HPS4: variants seen among roughly 807,000 people sequenced by gnomAD.
HPS4 encodes HPS4 biogenesis of lysosomal organelles complex 3 subunit 2, also known as BLOC-3 complex member HPS4.
Under a neutral mutation model 70.3 loss-of-function variants are expected in HPS4, and 44 were observed. That is an observed-to-expected ratio of 0.63 (90% confidence interval 0.49 to 0.80). The LOEUF is 0.80. Among genes scored for constraint, HPS4 ranks in the 30% least tolerant of loss-of-function variants. The pLI is 0.00. For synonymous variants in HPS4, 377 were observed against 355.9 expected, an observed-to-expected ratio of 1.06 and a Z score of -0.67; for missense variants, 873 against 884.4, an observed-to-expected ratio of 0.99 and a Z score of 0.16.
At chr22:26,447,857 C>T (rs2085006180), downstream of HPS4, among the ~76,000 whole-genome samples, 1 of 152,154 alleles carries the variant, frequency 6.6e-6, no homozygotes, top group Non-Finnish European at 1.5e-5. Flanking sequence ...ACCTGCCCTT[C>T]CCCATATCTC....
rs553852142 is a variant in HPS4 at position 26,457,929 on chromosome 22, A to G, written c.1885T>C (p.Phe629Leu). The G allele has an allele frequency of 6.8e-6, 11 of 1,614,148 alleles. No homozygotes were observed. Among genetic ancestry groups the G allele is most frequent in the Admixed American group, 3.3e-5 (2 of 60,030 alleles). ...PQVATPQDRRFLQAVSLMHSE... is the reference protein window; with the variant it reads ...PQVATPQDRRLLQAVSLMHSE... ...TGCATCAGGCTGACGGCCTGGAGGA[A>G]GCGGCGATCCTGCGGGGTGGCCACC... is the stretch of plus-strand genomic sequence containing the variant. The change falls in exon 13 of 14, where the codon TTC (phenylalanine) becomes CTC (leucine). Residue 629 changes from phenylalanine to leucine, a missense_variant. Transcript: ENST00000398145.
intron 13 of HPS4, among the ~76,000 whole-genome samples, chr22:26,455,063 A>G (rs1238167925): frequency 2.6e-5 from 4 of 152,232 alleles, no homozygotes; most frequent in Non-Finnish European, 5.9e-5. Context: ...AATGGCGATC[A>G]TTAAAAAGTC....
At chr22:26,443,209 G>GTAT, downstream of HPS4, 3 of 1,613,554 alleles carry the variant, frequency 1.9e-6, no homozygotes, top group Non-Finnish European at 2.5e-6. Context: ...GACGATGAGA[G>GTAT]TATTTCCCAT....
chr22:26,458,098 C>A (rs1047401696), intron 12 of HPS4, 131 bp from the exon 13 acceptor site: 31 of 823,194 alleles, frequency 3.8e-5, no homozygotes, highest in Non-Finnish European at 6.0e-5. Flanking sequence ...GGGGCAGAGA[C>A]AAAGGCCCGG....
chr22:26,483,265 A>G (rs1056398851), intron 1 of HPS4, among the ~76,000 whole-genome samples: 3 of 152,138 alleles, frequency 2.0e-5, no homozygotes, highest in Admixed American at 2.0e-4. Flanking sequence ...TGGGCCCTAC[A>G]CTACCGAGGT....
At chr22:26,445,783 C>A (rs1053408375) in intron 3 of HPS4, among the ~76,000 whole-genome samples, 3 of 152,208 alleles carry the variant, frequency 2.0e-5, no homozygotes, top group African/African-American at 7.2e-5. Flanking sequence ...CACATCGGGA[C>A]AGCAGTGGGT....
In HPS4 at chr22:26,483,781, G is replaced by A. The variant is rs943891269; in HGVS notation, c.-586C>T. The A allele has an allele frequency of 5.2e-6, 4 of 768,332 alleles. No individual in the cohort carries two copies. Among genetic ancestry groups the A allele is most frequent in the African/African-American group, 1.9e-5 (1 of 54,052 alleles). 47.6% of individuals were successfully genotyped at this position (768,332 alleles called of 1,614,324 possible). A position where few individuals can be genotyped will look rare whatever the true frequency, so the allele number is the denominator to read the frequency against. Reference sequence around the variant, plus strand: ...GCCCCGTACCTGCGCGCGCGGCAGAGAGGCCTTAGGTCACGCGCCGCCCCG... The same window carrying A: ...GCCCCGTACCTGCGCGCGCGGCAGAAAGGCCTTAGGTCACGCGCCGCCCCG... On this transcript the variant is annotated 5_prime_UTR_variant, in exon 1 of 14. Transcript: ENST00000398145.
intron 7 of HPS4, among the ~76,000 whole-genome samples, chr22:26,469,676 C>A (rs1233231463): frequency 3.5e-5 from 5 of 144,352 alleles, no homozygotes; most frequent in Admixed American, 2.8e-4. Flanking sequence ...CATAGCAAGA[C>A]CTCGTCCCTA....
intron 13 of HPS4, among the ~76,000 whole-genome samples, chr22:26,455,606 T>A (rs1324034217): frequency 7.9e-4 from 103 of 129,886 alleles, no homozygotes; most frequent in Non-Finnish European, 1.3e-3. Context: ...GGGGGAGGGA[T>A]AGCATTAGGA....
chr22:26,479,402 C>T (rs747061632), intron 2 of HPS4, 47 bp from the exon 3 acceptor site: 1 of 1,604,930 alleles, frequency 6.2e-7, no homozygotes, highest in East Asian at 2.2e-5. Flanking sequence ...ATCCAGTGAT[C>T]ACGGCATTTA....
chr22:26,447,745 TC>T (rs1308339517), downstream of HPS4, among the ~76,000 whole-genome samples: 3 of 152,178 alleles, frequency 2.0e-5, no homozygotes, highest in East Asian at 5.8e-4. Flanking sequence ...GGGAAAACAC[TC>T]AAGCAGATTG....
At chr22:26,457,023 T>C (rs184073702) in intron 13 of HPS4, among the ~76,000 whole-genome samples, 1 of 152,190 alleles carries the variant, frequency 6.6e-6, no homozygotes, top group Admixed American at 6.5e-5. Context: ...CTAGAAGACT[T>C]AAAATAATTA....
At position 26,463,961 on chromosome 22, in the gene HPS4, C is replaced by A; in HGVS notation, c.1669G>T (p.Ala557Ser). The A allele has an allele frequency of 6.2e-7, 1 of 1,614,084 alleles. No homozygotes were observed. The highest frequency in any genetic ancestry group is 1.1e-5 in the South Asian group (1 of 91,080). The change falls in exon 11 of 14, where the codon GCT becomes TCT. Residue 557 changes from alanine to serine, a missense_variant. Physicochemically the swap from Ala to Ser is moderately conservative, Grantham distance 99 (BLOSUM62 1). Coordinates refer to ENST00000398145, the MANE Select transcript of HPS4 (RefSeq NM_022081.6). ...CTGTCTCCCAGCAGCGGCTCCTCAG[C>A]CAGCAGGGACAGCACCAGCCCTTTG... is the stretch of plus-strand genomic sequence containing the variant. ...CVKGLVLSLL[A>S]EEPLLGDSAA...
At chr22:26,480,931 CAAAT>C (rs2091219386) in intron 2 of HPS4, among the ~76,000 whole-genome samples, 1 of 152,014 alleles carries the variant, frequency 6.6e-6, no homozygotes. Context: ...AACAAACAAA[CAAAT>C]AAATAAAGCA....
chr22:26,452,203 TAAC>T lies in HPS4; in HGVS notation c.*1027_*1029del, dbSNP rs2085334973. On this transcript the variant is annotated 3_prime_UTR_variant, in exon 14 of 14. Transcript: ENST00000398145. ...TATCAGTTCACTGACATGAAATTAT[TAAC>T]AATACAACTCTCAAATGGAATCTCA... is the stretch of plus-strand genomic sequence containing the variant. 1.2e-5 allele frequency: 4 copies of T among 332,922 alleles called. No individual in the cohort carries two copies. Among genetic ancestry groups the T allele is most frequent in the Non-Finnish European group, 1.8e-5 (3 of 167,352 alleles). The allele number at this position is 332,922 out of a possible 1,614,324, so 20.6% of individuals were successfully genotyped here. A position where few individuals can be genotyped will look rare whatever the true frequency, so the allele number is the denominator to read the frequency against.
At chr22:26,476,073 A>G (rs2090502976) in intron 4 of HPS4, 1 of 152,186 alleles carries the variant, frequency 6.6e-6, no homozygotes, top group South Asian at 2.1e-4. Flanking sequence ...ATTTGAATTA[A>G]TGGGAGGATA....
Position 26,482,018 on chromosome 22 carries a change from AATCC to A in HPS4, c.-260_-257del. 7 of 486,022 alleles carry A rather than the reference AATCC, an allele frequency of 1.4e-5. No individual in the cohort carries two copies. The allele number at this position is 486,022 out of a possible 1,614,324, so 30.1% of individuals were successfully genotyped here. A position where few individuals can be genotyped will look rare whatever the true frequency, so the allele number is the denominator to read the frequency against. ...AACTCAGGGAGAAACTATAACAGAGAATCCTAGCAGAAAAGTCAAATCCATTCCT... is the reference window on the plus strand; with the variant it reads ...AACTCAGGGAGAAACTATAACAGAGATAGCAGAAAAGTCAAATCCATTCCT... On this transcript the variant is annotated 5_prime_UTR_variant, in exon 2 of 14. The change creates a premature stop within an existing upstream ORF in the 5' untranslated region. Transcript: ENST00000398145.
chr22:26,470,697 A>C, intron 7 of HPS4, 22 bp downstream of exon 7: 1 of 1,610,482 alleles, frequency 6.2e-7, no homozygotes, highest in Non-Finnish European at 8.5e-7. Flanking sequence ...GGGCTGGAAG[A>C]AAGGGGTCTG....
chr22:26,481,613 T>C (rs1001856919), intron 2 of HPS4, 109 bp downstream of exon 2: 4 of 1,035,382 alleles, frequency 3.9e-6, no homozygotes, highest in Non-Finnish European at 4.6e-6. Context: ...GGCATTTTTA[T>C]TGTTATGTTA....
Sources: gnomAD v4.1 joint callset for allele counts (sites outside exome capture counted in the v4.1 genomes callset) on GRCh38, gnomAD v4.1.1 for gene constraint, MANE v1.5 for transcripts, NCBI Gene and HGNC (gene_info 2026-07-23, HGNC 2026-07-21) for gene names.